Variants in CFAP410 observed in about 807,000 individuals in gnomAD.
CFAP410 encodes the protein cilia and flagella associated protein 410.
In CFAP410, 27 loss-of-function variants were observed where a neutral mutation model predicts 25.7. The ratio of observed to expected loss-of-function variants is 1.05; its 90% confidence interval spans 0.77 to 1.45. The LOEUF (loss-of-function observed/expected upper bound fraction) is 1.45. Ranked by LOEUF, CFAP410 falls within the 40% of genes most tolerant of loss-of-function variation. The pLI, the probability that CFAP410 is intolerant of heterozygous loss-of-function variation, is 0.00. For synonymous variants in CFAP410, 178 were observed against 158.4 expected (o/e 1.12, Z -0.93); for missense variants, 428 against 354.1 (o/e 1.21, Z -1.67).
chr21:44,330,293 C>T lies in CFAP410; in HGVS notation c.676G>A (p.Glu226Lys), dbSNP rs1443608506. Residue 226 changes from glutamate to lysine, a missense_variant, in exon 7 of 7, where the codon GAG becomes AAG. Physicochemically the swap from Glu to Lys is moderately conservative, Grantham distance 56 (BLOSUM62 1). Coordinates refer to ENST00000339818, the MANE Select transcript of CFAP410 (RefSeq NM_004928.3). ...GCCTCCAGCCCCTCTGCATCCAGCT[C>T]CCGCAGCAGCAGCAGGATGGCAGTC... ...VLTAILLLLRELDAEGLEAVQ... is the reference protein window; with the variant it reads ...VLTAILLLLRKLDAEGLEAVQ... 1 of 1,610,550 alleles carries T rather than the reference C, an allele frequency of 6.2e-7. No homozygotes were observed. Among genetic ancestry groups the T allele is most frequent in the South Asian group, 1.1e-5 (1 of 90,870 alleles).
rs758224762 is a variant in CFAP410 at position 44,333,269 on chromosome 21, G to A, written c.144-7C>T. 9 of 1,605,320 alleles carry A rather than the reference G, an allele frequency of 5.6e-6. No individual in the cohort carries two copies. The highest frequency in any genetic ancestry group is 6.8e-6 in the Non-Finnish European group (8 of 1,175,832). ...GGTGGAGATGCTGTTGACACTGCAC[G>A]GAGACCAGCACAGTCAGCGAGGGAC... On this transcript the variant is annotated splice_polypyrimidine_tract_variant and splice_region_variant and intron_variant, in intron 3 of 6. Coordinates refer to ENST00000339818, the MANE Select transcript of CFAP410 (RefSeq NM_004928.3).
In CFAP410 at chr21:44,330,809, G is replaced by A. The variant is rs1479516246; in HGVS notation, c.642+14C>T. 2.5e-6 allele frequency: 4 copies of A among 1,581,042 alleles called. No homozygotes were observed. Among genetic ancestry groups the A allele is most frequent in the African/African-American group, 2.7e-5 (2 of 73,734 alleles). On this transcript the variant is annotated intron_variant, in intron 6 of 6. Coordinates refer to ENST00000339818, the MANE Select transcript of CFAP410 (RefSeq NM_004928.3). ...GGCAGAGGCAGCCGCGGCCCCTAGC[G>A]GCCCGCCACTCACCCTGCCCCTGTG...
intron 2 of CFAP410, among the ~76,000 whole-genome samples, chr21:44,336,310 G>C (rs1274297826): frequency 6.6e-6 from 1 of 152,198 alleles, no homozygotes; most frequent in South Asian, 2.1e-4. Flanking sequence ...GATGCTGCCA[G>C]CAGTGGAGAC....
chr21:44,335,577 C>T (rs987890243), intron 3 of CFAP410, 181 bp downstream of exon 3: 1 of 611,170 alleles, frequency 1.6e-6, no homozygotes, highest in Admixed American at 3.0e-5. Flanking sequence ...GAGGGCTGAA[C>T]ATGGGGGCCA....
Position 44,339,114 on chromosome 21 carries a change from T to C in CFAP410, c.77+4A>G. On this transcript the variant is annotated splice_donor_region_variant and intron_variant, in intron 1 of 6. Coordinates refer to ENST00000339818, the MANE Select transcript of CFAP410 (RefSeq NM_004928.3). ...GGGGCGGCCGCGGCCAGGCCCCGCC[T>C]CACCAGCAGTTGAGCTTGCGCACGC... 7.0e-7 allele frequency: 1 copy of C among 1,427,034 alleles called. No homozygotes were observed. Among genetic ancestry groups the C allele is most frequent in the Non-Finnish European group, 9.3e-7 (1 of 1,080,912 alleles). 88.4% of individuals were successfully genotyped at this position (1,427,034 alleles called of 1,614,324 possible). A position where few individuals can be genotyped will look rare whatever the true frequency, so the allele number is the denominator to read the frequency against.
chr21:44,333,086 T>C lies in CFAP410; in HGVS notation c.320A>G (p.Tyr107Cys), dbSNP rs1131690801. 6.2e-7 allele frequency: 1 copy of C among 1,609,926 alleles called. No homozygotes were observed. Among genetic ancestry groups the C allele is most frequent in the East Asian group, 2.2e-5 (1 of 44,754 alleles). ...CAGGGTGCGCAGCACGGTCATGCGG[T>C]AGCGGTGGGGGCTGGTGCCGCAGCA... Reference protein sequence around the residue: ...NPCCGTSPHRYRMTVLRTLPR... With the variant: ...NPCCGTSPHRCRMTVLRTLPR... The change falls in exon 4 of 7, where the codon TAC (tyrosine) becomes TGC (cysteine). Residue 107 changes from tyrosine to cysteine, a missense_variant. Transcript: ENST00000339818.
chr21:44,332,221 A>G, intron 4 of CFAP410: 1 of 515,358 alleles, frequency 1.9e-6, no homozygotes, highest in Non-Finnish European at 3.4e-6. Context: ...CACACAACAG[A>G]TGGTGGAGGG....
rs921434014 is a variant in CFAP410 at position 44,330,673 on chromosome 21, C to T, written c.642+150G>A. 59 of 1,548,410 alleles carry T rather than the reference C, an allele frequency of 3.8e-5. No homozygotes were observed. The highest frequency in any genetic ancestry group is 4.5e-5 in the Non-Finnish European group (52 of 1,146,508). On this transcript the variant is annotated intron_variant, in intron 6 of 6. Transcript: ENST00000339818. ...CATTCACAGACCCGCACACGCAGCT[C>T]CCCCTGGGGCACAGCTCTTCAAGGC...
chr21:44,333,248 G>C lies in CFAP410; in HGVS notation c.158C>G (p.Ser53Cys). The change falls in exon 4 of 7, where the codon TCC (serine) becomes TGC (cysteine). Residue 53 changes from serine to cysteine, a missense_variant. Ser to Cys is a moderately radical substitution (Grantham distance 112). Transcript: ENST00000339818. ...EVITLSVNSI[S>C]TLEPVSRCQR... ...GCACCGGCTCACAGGCTCCAGGGTGGAGATGCTGTTGACACTGCACGGAGA... is the reference window on the plus strand; with the variant it reads ...GCACCGGCTCACAGGCTCCAGGGTGCAGATGCTGTTGACACTGCACGGAGA... 5 of 1,611,688 alleles carry C rather than the reference G, an allele frequency of 3.1e-6. No individual in the cohort carries two copies. The highest frequency in any genetic ancestry group is 4.2e-6 in the Non-Finnish European group (5 of 1,179,426).
At chr21:44,334,574 C>A (rs950257080) in intron 3 of CFAP410, 3 of 276,146 alleles carry the variant, frequency 1.1e-5, no homozygotes, top group Non-Finnish European at 2.1e-5. Flanking sequence ...TGCTCAACCT[C>A]TGGACTCGGG....
chr21:44,334,520 C>CCCCCTCAACCTCTGGGCGGGCCCGCG, intron 3 of CFAP410: 1 of 173,326 alleles, frequency 5.8e-6, no homozygotes, highest in Non-Finnish European at 1.1e-5. Flanking sequence ...CACGCGCACC[C>CCCCCTCAACCTCTGGGCGGGCCCGCG]CCCCCCCCCC....
At chr21:44,338,174 A>G in intron 1 of CFAP410, 2 of 867,316 alleles carry the variant, frequency 2.3e-6, no homozygotes, top group Middle Eastern at 2.8e-4. Flanking sequence ...AATTGTAGCC[A>G]AAACACCAGA....
In CFAP410 at chr21:44,335,393, C is replaced by T. The variant is rs9974319; in HGVS notation, c.143+365G>A. ...GGGGTCCCAGGGCAGATGTGGCCAC[C>T]GTGGGGGCGGCCAGGGCGGGCCACC... On this transcript the variant is annotated intron_variant, in intron 3 of 6. Coordinates refer to ENST00000339818, the MANE Select transcript of CFAP410 (RefSeq NM_004928.3). 1,015 of 299,110 alleles carry T rather than the reference C, an allele frequency of 3.4e-3. 9 individuals are homozygous for T. Among genetic ancestry groups the T allele is most frequent in the African/African-American group, 0.02 (905 of 45,914 alleles). 18.5% of individuals were successfully genotyped at this position (299,110 alleles called of 1,614,324 possible). A position where few individuals can be genotyped will look rare whatever the true frequency, so the allele number is the denominator to read the frequency against.
chr21:44,333,052 T>C lies in CFAP410; in HGVS notation c.354A>G (p.Leu118=), dbSNP rs2047680663. ...RMTVLRTLPR[L]QKLDNQAVTE... ...ACCTACCCTGGTTGTCCAGCTTCTG[T>C]AGGCGCGGCAGGGTGCGCAGCACGG... is the stretch of plus-strand genomic sequence containing the variant. The change falls in exon 4 of 7, where the codon CTA becomes CTG. Residue 118 remains leucine, a synonymous_variant. Coordinates refer to ENST00000339818, the MANE Select transcript of CFAP410 (RefSeq NM_004928.3). 1.3e-6 allele frequency: 2 copies of C among 1,595,126 alleles called. No individual in the cohort carries two copies. Among genetic ancestry groups the C allele is most frequent in the South Asian group, 1.1e-5 (1 of 89,918 alleles).
chr21:44,332,957 A>C (rs912716556), intron 4 of CFAP410, 76 bp downstream of exon 4: 63 of 977,616 alleles, frequency 6.4e-5, no homozygotes, highest in Non-Finnish European at 9.4e-5. Context: ...GAAAAGGAGA[A>C]GAGAAAAGAG....
intron 2 of CFAP410, 40 bp from the exon 3 acceptor site, chr21:44,335,844 A>T: frequency 6.6e-7 from 1 of 1,514,338 alleles, no homozygotes. Context: ...ATGGCACAGC[A>T]GGGCATCGCG....
Position 44,331,983 on chromosome 21 carries a change from C to T in CFAP410, c.405G>A (p.Leu135=), listed in dbSNP as rs781636130. ...CCGCAGTGATCTCCTCTCCCTCACT[C>T]AGTGCACGGGACAGCTCCTCCTCCG... is the stretch of plus-strand genomic sequence containing the variant. The part of the protein sequence containing the change: ...AVTEEELSRA[L]SEGEEITAAP... The change falls in exon 5 of 7, where the codon CTG becomes CTA. Residue 135 remains leucine, a synonymous_variant. Transcript: ENST00000339818. 9.3e-6 allele frequency: 15 copies of T among 1,612,682 alleles called. No individual in the cohort carries two copies. In the Admixed American group the frequency reaches 1.2e-4, roughly 13 times the overall value.
chr21:44,333,135 C>T lies in CFAP410; in HGVS notation c.271G>A (p.Val91Met). The T allele has an allele frequency of 6.2e-7, 1 of 1,612,190 alleles. No individual in the cohort carries two copies. ...CACGGGTTCTCGGCCAGCCACAGCA[C>T]CCGCAGACGCGGCAGCCCCTTCAGG... ...FYLKGLPRLR[V>M]LWLAENPCCG... Residue 91 changes from valine to methionine, a missense_variant, in exon 4 of 7, where the codon GTG (valine) becomes ATG (methionine). By Grantham distance (21) the Val-to-Met change is conservative. Transcript: ENST00000339818.
chr21:44,333,629 C>T (rs577770193), intron 3 of CFAP410: 87 of 351,082 alleles, frequency 2.5e-4, no homozygotes, highest in Non-Finnish European at 1.3e-4. Flanking sequence ...AAGCAGGGAG[C>T]GGCCAGAAAA....
Sources: allele counts gnomAD v4.1 joint callset (sites outside exome capture counted in the v4.1 genomes callset), GRCh38; gene constraint gnomAD v4.1.1; transcripts MANE v1.5; gene names NCBI Gene and HGNC (gene_info 2026-07-23, HGNC 2026-07-21).